RAB7A: variants seen among roughly 807,000 people sequenced by gnomAD.
The protein encoded by RAB7A is ras-related protein Rab-7a.
In RAB7A, 2 loss-of-function variants were observed where a neutral mutation model predicts 24.5. The ratio of observed to expected loss-of-function variants is 0.08; its 90% confidence interval spans 0.03 to 0.26. The LOEUF (loss-of-function observed/expected upper bound fraction) is 0.26. Ranked by LOEUF, RAB7A falls within the 10% of genes least tolerant of loss-of-function variation. RAB7A has a pLI of 1.00. For synonymous variants in RAB7A, 100 were observed against 95.9 expected (o/e 1.04, Z -0.25); for missense variants, 118 against 255.7 (o/e 0.46, Z 3.67).
At chr3:128,795,056 G>A (rs533372721) in intron 1 of RAB7A, among the ~76,000 whole-genome samples, 3 of 152,150 alleles carry the variant, frequency 2.0e-5, no homozygotes, top group Admixed American at 6.5e-5. Context: ...TGTTGAGTAA[G>A]TTGGAGCATT....
At chr3:128,751,817 A>G (rs2070684153) in intron 1 of RAB7A, among the ~76,000 whole-genome samples, 1 of 152,178 alleles carries the variant, frequency 6.6e-6, no homozygotes, top group Non-Finnish European at 1.5e-5. Context: ...TTGAATTCCC[A>G]TCGGTTATGG....
At chr3:128,790,691 T>C (rs1054189316) in intron 1 of RAB7A, among the ~76,000 whole-genome samples, 2 of 152,238 alleles carry the variant, frequency 1.3e-5, no homozygotes, top group Admixed American at 1.3e-4. Flanking sequence ...ATTGTTCATT[T>C]CTGGTGTCTG....
intron 1 of RAB7A, chr3:128,764,738 A>G (rs190607450): frequency 6.0e-5 from 48 of 802,052 alleles, no homozygotes; most frequent in Admixed American, 5.8e-4. Context: ...CCACTCTCCC[A>G]GTCATCACAG....
chr3:128,775,246 A>G (rs532306356), intron 1 of RAB7A, among the ~76,000 whole-genome samples: 2 of 152,324 alleles, frequency 1.3e-5, no homozygotes, highest in African/African-American at 4.8e-5. Flanking sequence ...GCTTGTGTTC[A>G]GATGGGAACT....
intron 3 of RAB7A, among the ~76,000 whole-genome samples, chr3:128,803,718 T>G (rs755516101): frequency 1.3e-5 from 2 of 152,164 alleles, no homozygotes. Flanking sequence ...TGTTAACTTT[T>G]GGGAATGAAA....
chr3:128,798,378 C>T (rs1933620286), intron 3 of RAB7A: 1 of 346,922 alleles, frequency 2.9e-6, no homozygotes, highest in Non-Finnish European at 5.6e-6. Flanking sequence ...TGGCAACCTG[C>T]AGGTCTCTGT....
At chr3:128,783,267 C>T (rs1933261258) in intron 1 of RAB7A, among the ~76,000 whole-genome samples, 2 of 150,620 alleles carry the variant, frequency 1.3e-5, no homozygotes, top group Non-Finnish European at 3.0e-5. Context: ...TGCCCTACCC[C>T]CACTTAGATG....
intron 1 of RAB7A, among the ~76,000 whole-genome samples, chr3:128,774,724 C>T (rs1411240367): frequency 3.3e-5 from 5 of 152,230 alleles, no homozygotes; most frequent in African/African-American, 7.2e-5. Flanking sequence ...AGGCGCCCGC[C>T]ACCACGCCCA....
At chr3:128,808,160 C>T (rs1453871666) in intron 5 of RAB7A, among the ~76,000 whole-genome samples, 1 of 152,024 alleles carries the variant, frequency 6.6e-6, no homozygotes, top group Admixed American at 6.6e-5. Flanking sequence ...AGTTCGAGAC[C>T]AGCCTGGCCA....
chr3:128,759,368 G>A (rs1370844280), intron 1 of RAB7A, among the ~76,000 whole-genome samples: 3 of 152,208 alleles, frequency 2.0e-5, no homozygotes, highest in African/African-American at 7.2e-5. Flanking sequence ...CAGTTGCTGT[G>A]CATTGCCATC....
rs1024364101 is a variant in RAB7A, at chr3:128,729,394, C to T, written c.-9+3035C>T. 2.6e-5 allele frequency among the ~76,000 whole-genome samples: 4 copies of T among 152,002 alleles called. No homozygotes were observed. The East Asian group carries it at 7.7e-4, about 29-fold the overall frequency. The stretch of plus-strand genomic sequence containing the variant: ...GACCATCCTGGCTAACACAGTGAAA[C>T]CCCATCTCTACTAAAAATACAAAAA... On this transcript the variant is annotated intron_variant, in intron 1 of 5. Transcript: ENST00000265062.
At chr3:128,807,409 C>T in intron 4 of RAB7A, 134 bp from the exon 5 acceptor site, 1 of 1,347,948 alleles carries the variant, frequency 7.4e-7, no homozygotes, top group Non-Finnish European at 1.1e-6. Context: ...TCTCCTCCAA[C>T]ACCCTCTTTC....
chr3:128,744,990 C>T (rs935722806), intron 1 of RAB7A, among the ~76,000 whole-genome samples: 6 of 151,654 alleles, frequency 4.0e-5, no homozygotes, highest in Admixed American at 2.6e-4. Flanking sequence ...TCTCCTGCCT[C>T]AGCATCCCGA....
intron 1 of RAB7A, among the ~76,000 whole-genome samples, chr3:128,783,923 G>A (rs988670092): frequency 4.6e-5 from 7 of 152,164 alleles, no homozygotes; most frequent in Non-Finnish European, 8.8e-5. Flanking sequence ...ATTTCTGCTG[G>A]TAGTGCTCTC....
At chr3:128,758,191 C>T (rs1002315819) in intron 1 of RAB7A, among the ~76,000 whole-genome samples, 4 of 151,502 alleles carry the variant, frequency 2.6e-5, no homozygotes, top group East Asian at 1.9e-4. Flanking sequence ...TTTGAATTTC[C>T]GGCCTCAAAT....
chr3:128,730,669 G>A (rs1037979320), intron 1 of RAB7A, among the ~76,000 whole-genome samples: 1 of 152,226 alleles, frequency 6.6e-6, no homozygotes, highest in Non-Finnish European at 1.5e-5. Flanking sequence ...ATCCCAGGCT[G>A]TGATTACAAA....
chr3:128,739,825 T>G (rs1339490746), intron 1 of RAB7A, among the ~76,000 whole-genome samples: 1 of 152,204 alleles, frequency 6.6e-6, no homozygotes, highest in African/African-American at 2.4e-5. Flanking sequence ...ATCCCAGCAC[T>G]TTGGGAGGCC....
chr3:128,765,545 C>A (rs1371381987), intron 1 of RAB7A, among the ~76,000 whole-genome samples: 1 of 152,146 alleles, frequency 6.6e-6, no homozygotes, highest in Non-Finnish European at 1.5e-5. Context: ...GTTTATTGCC[C>A]ACAGTTTGGA....
intron 1 of RAB7A, among the ~76,000 whole-genome samples, chr3:128,729,511 A>C (rs2107580397): frequency 6.6e-6 from 1 of 150,852 alleles, no homozygotes; most frequent in Non-Finnish European, 1.5e-5. Context: ...CAGGGCTTGC[A>C]GTGAGCAGAG....
Sources: allele counts gnomAD v4.1 joint callset (sites outside exome capture counted in the v4.1 genomes callset), GRCh38; gene constraint gnomAD v4.1.1; transcripts MANE v1.5; gene names NCBI Gene and HGNC (gene_info 2026-07-23, HGNC 2026-07-21).